Variants in MED12L observed in about 807,000 individuals in gnomAD.
The protein encoded by MED12L is mediator complex subunit 12L, also known as mediator of RNA polymerase II transcription subunit 12-like protein.
In MED12L, 60 loss-of-function variants were observed where a neutral mutation model predicts 281.3. That is an observed-to-expected ratio of 0.21 (90% CI 0.17 to 0.26). The LOEUF is 0.26. MED12L is among the 10% of genes least tolerant of loss of function. The probability of loss-of-function intolerance (pLI) is 1.00; values close to 1 mark genes in which losing one functional copy is unlikely to be tolerated. For missense variants in MED12L, 2,146 were observed against 2,680.9 expected (o/e 0.80, Z 4.41); for synonymous variants, 974 against 987.2 (o/e 0.99, Z 0.25).
intron 16 of MED12L, among the ~76,000 whole-genome samples, chr3:151,332,702 T>C (rs1750486784): frequency 6.6e-6 from 1 of 152,166 alleles, no homozygotes; most frequent in South Asian, 2.1e-4. Flanking sequence ...ATTGGATTTT[T>C]GTTTCATTCC....
chr3:151,159,872 G>A lies in MED12L; in HGVS notation c.878G>A (p.Arg293His), dbSNP rs1204916790. The change falls in exon 8 of 45, where the codon CGT becomes CAT. Residue 293 changes from arginine to histidine, a missense_variant. Physicochemically the swap from Arg to His is conservative, Grantham distance 29. Transcript: ENST00000687756. ...GTTCAGTCGGCCTACCTGTCTCGTCGTCTTGCCTACTTTTGTGCCCGGCGT... is the reference window on the plus strand; with the variant it reads ...GTTCAGTCGGCCTACCTGTCTCGTCATCTTGCCTACTTTTGTGCCCGGCGT... ...EFVQSAYLSR[R>H]LAYFCARRLS... The A allele has an allele frequency of 1.9e-6, 3 of 1,614,118 alleles. No homozygotes were observed. Among genetic ancestry groups the A allele is most frequent in the African/African-American group, 1.3e-5 (1 of 75,028 alleles).
chr3:151,242,751 A>G (rs1341092459), intron 16 of MED12L, among the ~76,000 whole-genome samples: 1 of 152,234 alleles, frequency 6.6e-6, no homozygotes, highest in African/African-American at 2.4e-5. Flanking sequence ...CAGCAGCGGA[A>G]CAAAGCTGGA....
rs1051301579 is a variant in MED12L, at chr3:151,434,399, G to A, written c.*1595G>A. ...TGGCAACATCCATGTGAACTGCTTT[G>A]TACACTGTGAAAATATTTCACTCCA... On this transcript the variant is annotated 3_prime_UTR_variant, in exon 45 of 45. Coordinates refer to ENST00000687756, the MANE Select transcript of MED12L (RefSeq NM_001393769.1). The A allele has an allele frequency of 6.6e-6, 1 of 152,088 alleles. No homozygotes were observed. Among genetic ancestry groups the A allele is most frequent in the Non-Finnish European group, 1.5e-5 (1 of 68,014 alleles). 9.4% of individuals were successfully genotyped at this position (152,088 alleles called of 1,614,324 possible).
chr3:151,123,073 A>G, intron 4 of MED12L, 99 bp downstream of exon 4: 1 of 1,033,182 alleles, frequency 9.7e-7, no homozygotes, highest in East Asian at 2.6e-5. Context: ...TCTTTTTGAG[A>G]CTGCAAGCCT....
intron 16 of MED12L, among the ~76,000 whole-genome samples, chr3:151,343,451 A>ATG (rs1752127834): frequency 6.6e-6 from 1 of 152,188 alleles, no homozygotes; most frequent in African/African-American, 2.4e-5. Context: ...ATACCTATTT[A>ATG]CAAACCACCT....
chr3:151,276,909 G>GTT (rs1741960532), intron 16 of MED12L, among the ~76,000 whole-genome samples: 1 of 152,048 alleles, frequency 6.6e-6, no homozygotes, highest in Non-Finnish European at 1.5e-5. Flanking sequence ...GTTTGTTTTT[G>GTT]TTTTTGAGAC....
Position 151,193,679 on chromosome 3 carries a change from T to C in MED12L, c.2250+13T>C. The C allele has an allele frequency of 1.9e-6, 3 of 1,602,134 alleles. 1 individual carries two copies. Among genetic ancestry groups the C allele is most frequent in the South Asian group, 2.2e-5 (2 of 90,670 alleles). ...TCCTATACCTCTGGTAAGTCATTGCTTCAGTTAATCTATACCCTGATTATT... is the reference window on the plus strand; with the variant it reads ...TCCTATACCTCTGGTAAGTCATTGCCTCAGTTAATCTATACCCTGATTATT... On this transcript the variant is annotated intron_variant, in intron 16 of 44. Transcript: ENST00000687756.
In MED12L at chr3:151,127,988, A is replaced by G. The variant is rs781478733; in HGVS notation, c.556+4A>G. 9.3e-6 allele frequency: 15 copies of G among 1,610,296 alleles called. No homozygotes were observed. Among genetic ancestry groups the G allele is most frequent in the African/African-American group, 1.3e-5 (1 of 74,592 alleles). ...CAGGCTCCTGATCCGAATTTGGGTAAGTGAGAGAATACAATACACCTTACA... is the reference window on the plus strand; with the variant it reads ...CAGGCTCCTGATCCGAATTTGGGTAGGTGAGAGAATACAATACACCTTACA... On this transcript the variant is annotated splice_donor_region_variant and intron_variant, in intron 5 of 44. Transcript: ENST00000687756.
intron 16 of MED12L, among the ~76,000 whole-genome samples, chr3:151,287,751 T>C (rs1283175150): frequency 6.6e-6 from 1 of 152,218 alleles, no homozygotes; most frequent in African/African-American, 2.4e-5. Flanking sequence ...TGATGAGCAC[T>C]GTGTAAGATT....
At chr3:151,146,057 A>G (rs900797037) in intron 5 of MED12L, among the ~76,000 whole-genome samples, 1 of 152,162 alleles carries the variant, frequency 6.6e-6, no homozygotes, top group Non-Finnish European at 1.5e-5. Flanking sequence ...TAAAAAACCA[A>G]ACTCCATAGC....
Position 151,409,267 on chromosome 3 carries a change from C to G in MED12L, c.5845C>G (p.Leu1949Val), listed in dbSNP as rs761980500. ...QQGQPGDQAA[L>V]FAAQARPSPQ... The stretch of plus-strand genomic sequence containing the variant: ...GGGCCAGCCGGGGGACCAGGCTGCT[C>G]TCTTTGCTGCGCAAGCACGGCCCTC... The change falls in exon 40 of 45, where the codon CTC becomes GTC. Residue 1949 changes from leucine (L) to valine (V), a missense_variant. Transcript: ENST00000687756. 8 of 1,609,866 alleles carry G rather than the reference C, an allele frequency of 5.0e-6. No individual in the cohort carries two copies. The African/African-American group carries it at 1.1e-4, about 22-fold the overall frequency.
chr3:151,302,403 A>G (rs938665577), intron 16 of MED12L, among the ~76,000 whole-genome samples: 5 of 152,254 alleles, frequency 3.3e-5, no homozygotes, highest in African/African-American at 4.8e-5. Context: ...AGAGATCACA[A>G]TAGACTTTTG....
intron 43 of MED12L, among the ~76,000 whole-genome samples, chr3:151,426,875 T>G (rs1718937246): frequency 6.6e-6 from 1 of 151,610 alleles, no homozygotes; most frequent in Admixed American, 6.6e-5. Flanking sequence ...TGGAATGCAG[T>G]GGTACGATCA....
chr3:151,210,127 C>T (rs1298606718), intron 16 of MED12L, among the ~76,000 whole-genome samples: 4 of 152,170 alleles, frequency 2.6e-5, no homozygotes, highest in Non-Finnish European at 5.9e-5. Flanking sequence ...CTTCATGGCA[C>T]ACCCTCCAGA....
At position 151,409,223 on chromosome 3, in the gene MED12L, G is replaced by C. The variant is rs185735961; in HGVS notation, c.5821-20G>C. 1 of 1,575,866 alleles carries C rather than the reference G, an allele frequency of 6.3e-7. No homozygotes were observed. The highest frequency in any genetic ancestry group is 2.3e-5 in the East Asian group (1 of 44,432). The stretch of plus-strand genomic sequence containing the variant: ...CCCTTGCTGTTATGATCAAGAGTTT[G>C]CTTTGGCTTTGTTTTCCAGGGCCAG... On this transcript the variant is annotated intron_variant, in intron 39 of 44. Coordinates refer to ENST00000687756, the MANE Select transcript of MED12L (RefSeq NM_001393769.1).
chr3:151,207,085 T>C (rs1468476027), intron 16 of MED12L, among the ~76,000 whole-genome samples: 1 of 149,580 alleles, frequency 6.7e-6, no homozygotes, highest in Non-Finnish European at 1.5e-5. Context: ...CGTCTTACGT[T>C]GTCCAGGCTG....
chr3:151,334,011 A>G (rs1750648157), intron 16 of MED12L, among the ~76,000 whole-genome samples: 1 of 152,058 alleles, frequency 6.6e-6, no homozygotes, highest in South Asian at 2.1e-4. Context: ...CGGGAGGCGG[A>G]GGTTGCAGTG....
At chr3:151,410,336 C>T (rs2108350848) in intron 40 of MED12L, among the ~76,000 whole-genome samples, 1 of 152,344 alleles carries the variant, frequency 6.6e-6, no homozygotes, top group South Asian at 2.1e-4. Context: ...GTTGGATTGA[C>T]AATTCAATCT....
intron 16 of MED12L, among the ~76,000 whole-genome samples, chr3:151,199,998 A>C (rs905438199): frequency 2.6e-5 from 4 of 152,286 alleles, no homozygotes; most frequent in East Asian, 3.9e-4. Flanking sequence ...AAACAAAAAA[A>C]CCCACAACTA....
Sources: gnomAD v4.1 joint callset for allele counts (sites outside exome capture counted in the v4.1 genomes callset) on GRCh38, gnomAD v4.1.1 for gene constraint, MANE v1.5 for transcripts, NCBI Gene and HGNC (gene_info 2026-07-23, HGNC 2026-07-21) for gene names.